KIF26B: variants seen among roughly 807,000 people sequenced by gnomAD.
The protein encoded by KIF26B is kinesin-like protein KIF26B.
A neutral mutation model predicts 151.2 loss-of-function variants in KIF26B; 63 were observed. That is an observed-to-expected ratio of 0.42 (90% confidence interval 0.34 to 0.51). The LOEUF (loss-of-function observed/expected upper bound fraction) is 0.51. Among genes scored for constraint, KIF26B ranks in the 20% least tolerant of loss-of-function variants. The pLI, the probability that KIF26B is intolerant of heterozygous loss-of-function variation, is 0.07. For synonymous variants in KIF26B, 1,357 were observed against 1,262.1 expected (o/e 1.08, Z -1.59); for missense variants, 2,813 against 2,913.6 (o/e 0.97, Z 0.79).
intron 9 of KIF26B, among the ~76,000 whole-genome samples, chr1:245,644,045 G>A (rs1211188780): frequency 6.6e-6 from 1 of 151,968 alleles, no homozygotes; most frequent in East Asian, 1.9e-4. Flanking sequence ...ATTAAATGTG[G>A]GGAAGTTTTA....
chr1:245,262,096 C>T (rs1322225601), intron 2 of KIF26B, among the ~76,000 whole-genome samples: 1 of 152,166 alleles, frequency 6.6e-6, no homozygotes, highest in Non-Finnish European at 1.5e-5. Flanking sequence ...CATGCTGACA[C>T]ACAGATCGGG....
chr1:245,554,943 T>G (rs1391736549), intron 5 of KIF26B, among the ~76,000 whole-genome samples: 1 of 152,230 alleles, frequency 6.6e-6, no homozygotes, highest in African/African-American at 2.4e-5. Context: ...GATGAGGAAG[T>G]TGGGCTTTTC....
chr1:245,309,868 TAATA>T (rs955867940), intron 2 of KIF26B, among the ~76,000 whole-genome samples: 5 of 145,070 alleles, frequency 3.4e-5, no homozygotes, highest in African/African-American at 1.0e-4. Flanking sequence ...TTAATATATA[TAATA>T]AATCAATAAA....
intron 4 of KIF26B, among the ~76,000 whole-genome samples, chr1:245,431,969 C>A (rs1433641877): frequency 6.6e-6 from 1 of 152,080 alleles, no homozygotes; most frequent in Admixed American, 6.6e-5. Context: ...TGCTTTTCCT[C>A]TAAAAGTGCC....
intron 2 of KIF26B, among the ~76,000 whole-genome samples, chr1:245,221,377 T>TAAA (rs74163026): frequency 3.0e-5 from 4 of 132,006 alleles, no homozygotes; most frequent in African/African-American, 5.7e-5. Flanking sequence ...AAGTTTGAAG[T>TAAA]AAAAAAAAAA....
intron 2 of KIF26B, among the ~76,000 whole-genome samples, chr1:245,365,148 A>G (rs1450594696): frequency 1.3e-5 from 2 of 152,242 alleles, no homozygotes; most frequent in Non-Finnish European, 2.9e-5. Flanking sequence ...GGGCCGTTTC[A>G]GGTCCTGCTA....
chr1:245,459,195 A>C (rs1373138799), intron 4 of KIF26B, among the ~76,000 whole-genome samples: 1 of 152,170 alleles, frequency 6.6e-6, no homozygotes, highest in African/African-American at 2.4e-5. Flanking sequence ...CTGACACACT[A>C]ATTATAGCTT....
chr1:245,412,245 T>A (rs1674304666), intron 3 of KIF26B, among the ~76,000 whole-genome samples: 1 of 152,214 alleles, frequency 6.6e-6, no homozygotes, highest in Non-Finnish European at 1.5e-5. Context: ...ACAGTGTAAG[T>A]AGCAGATAGC....
intron 4 of KIF26B, among the ~76,000 whole-genome samples, chr1:245,456,816 C>G (rs1659542190): frequency 6.6e-6 from 1 of 152,106 alleles, no homozygotes. Flanking sequence ...CTATGCATAC[C>G]CAAGGGGCTA....
chr1:245,658,260 T>C (rs556211300), intron 10 of KIF26B, among the ~76,000 whole-genome samples: 1 of 152,348 alleles, frequency 6.6e-6, no homozygotes, highest in East Asian at 1.9e-4. Flanking sequence ...TAGATGGATA[T>C]TGCAAAATAT....
intron 10 of KIF26B, among the ~76,000 whole-genome samples, chr1:245,677,856 A>G (rs2044374702): frequency 6.6e-6 from 1 of 152,260 alleles, no homozygotes; most frequent in Non-Finnish European, 1.5e-5. Context: ...CAGAAATAAT[A>G]AAGACACTTA....
rs1668635197 is a variant in KIF26B, at chr1:245,167,582, G to A, written c.465+10899G>A. On this transcript the variant is annotated intron_variant, in intron 2 of 14. Coordinates refer to ENST00000407071, the MANE Select transcript of KIF26B (RefSeq NM_018012.4). This position sits in a 1 kb window ranked among gnomAD's most constrained non-coding sequence, Gnocchi z 4.2. The stretch of plus-strand genomic sequence containing the variant: ...CCAGCAATAACAACCAGCACCAAAA[G>A]CTGTCGAGCTATCTAACCAAATGGT... 1.3e-5 allele frequency among the ~76,000 whole-genome samples: 2 copies of A among 152,152 alleles called. No homozygotes were observed. Among genetic ancestry groups the A allele is most frequent in the South Asian group, 4.1e-4 (2 of 4,834 alleles).
At chr1:245,629,814 C>T (rs1403593519) in intron 9 of KIF26B, among the ~76,000 whole-genome samples, 3 of 152,172 alleles carry the variant, frequency 2.0e-5, no homozygotes, top group African/African-American at 7.2e-5. Context: ...AGACAACCTA[C>T]AAAACGGGAG....
intron 9 of KIF26B, among the ~76,000 whole-genome samples, chr1:245,613,243 T>C (rs920872650): frequency 2.0e-5 from 3 of 152,096 alleles, no homozygotes; most frequent in African/African-American, 4.8e-5. Flanking sequence ...GACTGGAAAT[T>C]GTAAAGCTCA....
intron 2 of KIF26B, among the ~76,000 whole-genome samples, chr1:245,185,171 C>A (rs1271243456): frequency 6.7e-6 from 1 of 150,022 alleles, no homozygotes; most frequent in Non-Finnish European, 1.5e-5. Context: ...CAGAGTCTTG[C>A]TCTGTCGCCT....
intron 3 of KIF26B, among the ~76,000 whole-genome samples, chr1:245,387,210 G>A (rs1673572695): frequency 1.4e-5 from 2 of 145,030 alleles, no homozygotes; most frequent in South Asian, 4.3e-4. Context: ...TGTCACCCAA[G>A]CTGGAGTGCA....
intron 10 of KIF26B, 96 bp from the exon 11 acceptor site, chr1:245,684,137 C>T (rs1250498690): frequency 7.4e-7 from 1 of 1,348,588 alleles, no homozygotes; most frequent in Non-Finnish European, 1.0e-6. Flanking sequence ...GGACCACCAC[C>T]CACAACAAAA....
At position 245,609,441 on chromosome 1, in the gene KIF26B, C is replaced by T; in HGVS notation, c.1827C>T (p.Asp609=). 3 of 1,606,762 alleles carry T rather than the reference C, an allele frequency of 1.9e-6. No individual in the cohort carries two copies. Among genetic ancestry groups the T allele is most frequent in the Non-Finnish European group, 2.5e-6 (3 of 1,176,814 alleles). Residue 609 remains aspartate (D), a synonymous_variant, in exon 8 of 15, where the codon GAC becomes GAT. Coordinates refer to ENST00000407071, the MANE Select transcript of KIF26B (RefSeq NM_018012.4). ...GGGGGAAGGAGGAGAACCTGCGGGA[C>T]CTGCTGTCGGAGGTGGCCACGGGCA... ...EVWGKEENLR[D]LLSEVATGSL...
At chr1:245,463,866 C>G (rs1659706440) in intron 4 of KIF26B, among the ~76,000 whole-genome samples, 1 of 152,216 alleles carries the variant, frequency 6.6e-6, no homozygotes. Flanking sequence ...TCCCTTTCAG[C>G]TACTTTCTAC....
Sources: allele counts gnomAD v4.1 joint callset (sites outside exome capture counted in the v4.1 genomes callset), GRCh38; gene constraint gnomAD v4.1.1; non-coding constraint Gnocchi (gnomAD v3.1); transcripts MANE v1.5; gene names NCBI Gene and HGNC (gene_info 2026-07-23, HGNC 2026-07-21).